Variants in COL23A1 observed in about 807,000 individuals in gnomAD.
COL23A1 encodes collagen type XXIII alpha 1 chain.
In COL23A1, 97 loss-of-function variants were observed where a neutral mutation model predicts 99.3. The observed-to-expected ratio is 0.98, with a 90% CI of 0.83 to 1.16. The LOEUF (loss-of-function observed/expected upper bound fraction) is 1.16, where lower values mean the gene tolerates loss of function less well. Ranked by LOEUF, COL23A1 falls within the 50% of genes most tolerant of loss-of-function variation. The probability of loss-of-function intolerance (pLI) is 0.00; values close to 1 mark genes in which losing one functional copy is unlikely to be tolerated. For synonymous variants in COL23A1, 320 were observed against 308.2 expected (o/e 1.04, Z -0.40); for missense variants, 762 against 757.4 (o/e 1.01, Z -0.07).
intron 2 of COL23A1, among the ~76,000 whole-genome samples, chr5:178,486,538 G>C (rs947558998): frequency 2.9e-5 from 4 of 136,620 alleles, no homozygotes; most frequent in Non-Finnish European, 4.6e-5. Flanking sequence ...AAACTGGGAG[G>C]GTTGAAAAAA....
chr5:178,498,887 CA>C (rs1328781754), intron 2 of COL23A1, among the ~76,000 whole-genome samples: 1 of 151,060 alleles, frequency 6.6e-6, no homozygotes, highest in African/African-American at 2.4e-5. Flanking sequence ...GTCAGGAGTT[CA>C]AGACCATCCT....
At chr5:178,483,252 C>T (rs622432) in intron 2 of COL23A1, among the ~76,000 whole-genome samples, 141,909 of 152,180 alleles carry the variant, frequency 0.93, 66,184 homozygotes, top group East Asian at 1. Flanking sequence ...CAAATGAGTC[C>T]CTTTTGAATT....
chr5:178,314,489 T>C (rs2973704), intron 2 of COL23A1, among the ~76,000 whole-genome samples: 108,500 of 152,014 alleles, frequency 0.71, 39,508 homozygotes, highest in Non-Finnish European at 0.76. Context: ...ATTCGGTGGA[T>C]GAATGAATAG....
At position 178,401,523 on chromosome 5, in the gene COL23A1, T is replaced by C. The variant is rs555836374; in HGVS notation, c.362-94604A>G. On this transcript the variant is annotated intron_variant, in intron 2 of 28. Coordinates refer to ENST00000390654, the MANE Select transcript of COL23A1 (RefSeq NM_173465.4). Reference sequence around the variant, plus strand: ...TGTTTATTGCTGCATAGTATTCCACTGCACAAATGTACCACAGTTTCTTTA... The same window carrying C: ...TGTTTATTGCTGCATAGTATTCCACCGCACAAATGTACCACAGTTTCTTTA... Among the ~76,000 whole-genome samples the C allele has an allele frequency of 3.9e-5, 6 of 152,380 alleles. No homozygotes were observed. The South Asian group carries it at 1.0e-3, about 26-fold the overall frequency.
intron 2 of COL23A1, among the ~76,000 whole-genome samples, chr5:178,393,045 C>T (rs1040874000): frequency 2.0e-5 from 3 of 152,206 alleles, no homozygotes; most frequent in Non-Finnish European, 4.4e-5. Context: ...GGACCCACAG[C>T]GGGTGCCTGG....
chr5:178,304,393 C>T (rs1758236974), intron 3 of COL23A1, among the ~76,000 whole-genome samples: 1 of 151,320 alleles, frequency 6.6e-6, no homozygotes, highest in African/African-American at 2.4e-5. Context: ...TGCCTGTAAT[C>T]CAGCTACTGA....
chr5:178,476,870 C>T (rs1350523728), intron 2 of COL23A1, among the ~76,000 whole-genome samples: 1 of 152,248 alleles, frequency 6.6e-6, no homozygotes, highest in African/African-American at 2.4e-5. Context: ...GGTGAGAACA[C>T]TAAGACTCAC....
At chr5:178,425,417 A>G (rs931423461) in intron 2 of COL23A1, among the ~76,000 whole-genome samples, 6 of 142,698 alleles carry the variant, frequency 4.2e-5, no homozygotes, top group African/African-American at 1.3e-4. Context: ...GCAAGACTCC[A>G]TCTCAAAATA....
rs749673930 is a variant in COL23A1 at position 178,589,146 on chromosome 5, A to G, written c.294+758T>C. 6.6e-6 allele frequency among the ~76,000 whole-genome samples: 1 copy of G among 152,178 alleles called. No individual in the cohort carries two copies. The highest frequency in any genetic ancestry group is 6.5e-5 in the Admixed American group (1 of 15,290). ...ACACACAGCAGCAATCTTAACCCTT[A>G]GAAGTGTCACAGAGCCTCATATGAG... is the stretch of plus-strand genomic sequence containing the variant. On this transcript the variant is annotated intron_variant, in intron 1 of 28. Coordinates refer to ENST00000390654, the MANE Select transcript of COL23A1 (RefSeq NM_173465.4). The surrounding 1 kb of genome is among the most constrained non-coding windows in gnomAD (Gnocchi z 5.4).
chr5:178,587,144 G>A (rs529428387), intron 1 of COL23A1, among the ~76,000 whole-genome samples: 3 of 152,146 alleles, frequency 2.0e-5, no homozygotes, highest in Non-Finnish European at 4.4e-5. Context: ...AAGATGGGGG[G>A]ATTGATTACT....
intron 17 of COL23A1, 107 bp from the exon 18 acceptor site, chr5:178,250,212 G>T: frequency 1.6e-6 from 2 of 1,289,980 alleles, no homozygotes; most frequent in Non-Finnish European, 2.2e-6. Flanking sequence ...GTGGGTCTTT[G>T]CAGTTGGACC....
chr5:178,566,750 A>C (rs1246353679), intron 1 of COL23A1, among the ~76,000 whole-genome samples: 1 of 152,072 alleles, frequency 6.6e-6, no homozygotes, highest in Admixed American at 6.5e-5. Context: ...CGGGAGGCGA[A>C]GGTTGCAGTG....
At position 178,416,767 on chromosome 5, in the gene COL23A1, G is replaced by A. The variant is rs141818618; in HGVS notation, c.362-109848C>T. On this transcript the variant is annotated intron_variant, in intron 2 of 28. Transcript: ENST00000390654. ...GTAACTGATGAGATCTGGAGTGGGAGTTGCTAAGGATGACCCCGGAATCTA... is the reference window on the plus strand; with the variant it reads ...GTAACTGATGAGATCTGGAGTGGGAATTGCTAAGGATGACCCCGGAATCTA... Among the ~76,000 whole-genome samples the A allele has an allele frequency of 3.4e-3, 513 of 152,292 alleles. 7 individuals are homozygous for A. The East Asian group carries it at 0.037, about 11-fold the overall frequency.
intron 2 of COL23A1, among the ~76,000 whole-genome samples, chr5:178,385,532 G>A (rs1385349010): frequency 6.6e-6 from 1 of 152,220 alleles, no homozygotes; most frequent in Non-Finnish European, 1.5e-5. Flanking sequence ...TCCTCCAGGA[G>A]GGTGCTGGGC....
In COL23A1 at chr5:178,247,526, C is replaced by G. The variant is rs1349276384; in HGVS notation, c.1296G>C (p.Lys432Asn). 5 of 1,614,130 alleles carry G rather than the reference C, an allele frequency of 3.1e-6. No individual in the cohort carries two copies. Among genetic ancestry groups the G allele is most frequent in the Non-Finnish European group, 4.2e-6 (5 of 1,179,980 alleles). The part of the protein sequence containing the change: ...PMGLQGIQGP[K>N]GLDGAKGEKG... ...AGTAGAGGGGTCTGTGCCCACTCAC[C>G]TTGGGACCCTGGATTCCCTGGAGGC... Residue 432 changes from lysine to asparagine, a missense_variant and splice_region_variant, in exon 22 of 29, where the codon AAG (lysine) becomes AAC (asparagine). Physicochemically the swap from Lys to Asn is moderately conservative, Grantham distance 94. Coordinates refer to ENST00000390654, the MANE Select transcript of COL23A1 (RefSeq NM_173465.4).
chr5:178,468,551 C>T lies in COL23A1; in HGVS notation c.361+92131G>A, dbSNP rs1314711537. Among the ~76,000 whole-genome samples the T allele has an allele frequency of 1.3e-5, 2 of 152,120 alleles. No homozygotes were observed. The highest frequency in any genetic ancestry group is 2.9e-5 in the Non-Finnish European group (2 of 68,010). Reference sequence around the variant, plus strand: ...CTCACACCCAGGCCTCACCCGGCCCCGTCCCTCTGAGCTGACCTCAGGCTG... The same window carrying T: ...CTCACACCCAGGCCTCACCCGGCCCTGTCCCTCTGAGCTGACCTCAGGCTG... On this transcript the variant is annotated intron_variant, in intron 2 of 28. Transcript: ENST00000390654. This position sits in a 1 kb window ranked among gnomAD's most constrained non-coding sequence, Gnocchi z 4.2.
At position 178,272,346 on chromosome 5, in the gene COL23A1, C is replaced by T. The variant is rs528096991; in HGVS notation, c.442-1983G>A. 3.5e-4 allele frequency among the ~76,000 whole-genome samples: 53 copies of T among 152,212 alleles called. 1 individual carries two copies. Among genetic ancestry groups the T allele is most frequent in the Non-Finnish European group, 1.0e-4 (7 of 68,030 alleles). On this transcript the variant is annotated intron_variant, in intron 5 of 28. Coordinates refer to ENST00000390654, the MANE Select transcript of COL23A1 (RefSeq NM_173465.4). The stretch of plus-strand genomic sequence containing the variant: ...GATGGCCCATCTGCCCATTCCCAGA[C>T]GGTGTGAGAGTGGCCACTCCACGTG...
chr5:178,285,438 A>G (rs1324483419), intron 5 of COL23A1, among the ~76,000 whole-genome samples: 1 of 152,258 alleles, frequency 6.6e-6, no homozygotes, highest in Non-Finnish European at 1.5e-5. Flanking sequence ...TGCTTTTTCT[A>G]AAACCGACCA....
chr5:178,555,827 A>G (rs1265480235), intron 2 of COL23A1, among the ~76,000 whole-genome samples: 1 of 152,050 alleles, frequency 6.6e-6, no homozygotes. Context: ...CAGACGGTGG[A>G]GGCCGGACCA....
Sources: gnomAD v4.1 joint callset for allele counts (sites outside exome capture counted in the v4.1 genomes callset) on GRCh38, gnomAD v4.1.1 for gene constraint, Gnocchi (gnomAD v3.1) non-coding constraint, MANE v1.5 for transcripts, NCBI Gene and HGNC (gene_info 2026-07-23, HGNC 2026-07-21) for gene names.